The following CRB1 variants were observed in gnomAD, a reference collection of about 807,000 sequenced individuals.
CRB1 encodes the protein protein crumbs homolog 1.
Under a neutral mutation model 120.0 loss-of-function variants are expected in CRB1, and 83 were observed. The observed-to-expected ratio is 0.69, with a 90% confidence interval of 0.58 to 0.83. The LOEUF (loss-of-function observed/expected upper bound fraction) is 0.83, where lower values mean the gene tolerates loss of function less well. Among genes scored for constraint, CRB1 ranks in the 40% least tolerant of loss-of-function variants. The pLI, the probability that CRB1 is intolerant of heterozygous loss-of-function variation, is 0.00. For synonymous variants in CRB1, 625 were observed against 612.5 expected (o/e 1.02, Z -0.30); for missense variants, 1,699 against 1,687.6 (o/e 1.01, Z -0.12).
chr1:197,257,256 G>A, the CRB1 span, among the ~76,000 whole-genome samples: 18 of 152,226 alleles, frequency 1.2e-4, no homozygotes, highest in African/African-American at 4.3e-4. Context: ...CCACCTTTTT[G>A]TTCTGTTTGG....
chr1:197,327,105 A>ACAAAC lies in CRB1; in HGVS notation c.71-1317_71-1316insCAAAC, dbSNP rs1353345394. On this transcript the variant is annotated intron_variant, in intron 1 of 11. Coordinates refer to ENST00000367400, the MANE Select transcript of CRB1 (RefSeq NM_201253.3). ...TTCTCACACACCAAAAAAAAAAAAA[A>ACAAAC]AAAAAAAAAAAAAAAAAAAAAAAAA... is the stretch of plus-strand genomic sequence containing the variant. Among the ~76,000 whole-genome samples the ACAAAC allele has an allele frequency of 1.1e-4, 13 of 117,892 alleles. 1 individual carries two copies. Among genetic ancestry groups the ACAAAC allele is most frequent in the African/African-American group, 4.0e-4 (12 of 29,946 alleles). 77.3% of individuals were successfully genotyped at this position (117,892 alleles called of 152,430 possible).
At chr1:197,420,002 A>AC (rs1462990116) in intron 5 of CRB1, among the ~76,000 whole-genome samples, 41 of 150,692 alleles carry the variant, frequency 2.7e-4, no homozygotes, top group Admixed American at 7.3e-4. Context: ...AAAAAAAACA[A>AC]ACAAAAAAAA....
the CRB1 span, among the ~76,000 whole-genome samples, chr1:197,218,190 G>A: frequency 1.6e-4 from 25 of 152,128 alleles, no homozygotes; most frequent in African/African-American, 4.1e-4. Context: ...CACCTATGCC[G>A]GGCAAGGAAC....
intron 11 of CRB1, among the ~76,000 whole-genome samples, chr1:197,451,983 A>G (rs1452920093): frequency 6.6e-6 from 1 of 152,240 alleles, no homozygotes; most frequent in Non-Finnish European, 1.5e-5. Context: ...AACTGACTCC[A>G]TAATAGATGC....
At chr1:197,317,700 C>T (rs1291570294) in intron 1 of CRB1, among the ~76,000 whole-genome samples, 2 of 152,108 alleles carry the variant, frequency 1.3e-5, no homozygotes, top group South Asian at 2.1e-4. Flanking sequence ...CCTGCATCTA[C>T]GGCCCACTAA....
intron 1 of CRB1, among the ~76,000 whole-genome samples, chr1:197,313,258 A>G (rs1296897408): frequency 6.6e-6 from 1 of 152,174 alleles, no homozygotes; most frequent in Non-Finnish European, 1.5e-5. Flanking sequence ...ATCACCTGCC[A>G]CCAGGTCCTT....
chr1:197,421,920 T>C lies in CRB1; in HGVS notation c.2092T>C (p.Cys698Arg), dbSNP rs1185924666. ...INLWLSYQCD[C>R]HRPYEGPNCL... ...CTTGTGGCTGAGTTACCAGTGTGACTGCCACAGGCCCTATGAAGGCCCCAA... is the reference window on the plus strand; with the variant it reads ...CTTGTGGCTGAGTTACCAGTGTGACCGCCACAGGCCCTATGAAGGCCCCAA... Residue 698 changes from cysteine to arginine, a missense_variant, in exon 6 of 12, where the codon TGC becomes CGC. Transcript: ENST00000367400. The C allele has an allele frequency of 6.2e-6, 10 of 1,614,200 alleles. No homozygotes were observed. The highest frequency in any genetic ancestry group is 8.5e-6 in the Non-Finnish European group (10 of 1,180,034).
At chr1:197,219,787 C>T in the CRB1 span, among the ~76,000 whole-genome samples, 1 of 152,196 alleles carries the variant, frequency 6.6e-6, no homozygotes, top group African/African-American at 2.4e-5. Flanking sequence ...GTTTCCCTCT[C>T]TCTGTGCTCC....
At chr1:197,394,133 C>T (rs973934249) in intron 5 of CRB1, among the ~76,000 whole-genome samples, 1 of 151,940 alleles carries the variant, frequency 6.6e-6, no homozygotes, top group Non-Finnish European at 1.5e-5. Context: ...TTGCCTGTGC[C>T]ATGCTGGAGA....
At chr1:197,288,275 A>T (rs1410799707) in intron 1 of CRB1, among the ~76,000 whole-genome samples, 1 of 151,850 alleles carries the variant, frequency 6.6e-6, no homozygotes, top group Non-Finnish European at 1.5e-5. Context: ...GAGGGCCAAG[A>T]ATTGTACCTG....
chr1:197,304,323 T>A (rs2125259289), intron 1 of CRB1: 1 of 736,300 alleles, frequency 1.4e-6, no homozygotes, highest in Non-Finnish European at 1.7e-6. Context: ...CATTTTAAAA[T>A]ATATTGATTT....
At chr1:197,290,057 C>T (rs920701964) in intron 1 of CRB1, among the ~76,000 whole-genome samples, 1 of 151,610 alleles carries the variant, frequency 6.6e-6, no homozygotes, top group African/African-American at 2.4e-5. Flanking sequence ...TTTCTGCTAA[C>T]TTGTTCCTTG....
chr1:197,429,746 A>C, intron 8 of CRB1, 132 bp downstream of exon 8: 1 of 961,448 alleles, frequency 1.0e-6, no homozygotes, highest in Non-Finnish European at 1.6e-6. Context: ...CCCCTATGCG[A>C]GTAGGCTAAT....
intron 5 of CRB1, chr1:197,363,914 A>G: frequency 8.0e-7 from 1 of 1,243,364 alleles, no homozygotes. Flanking sequence ...CTCACTACGG[A>G]TGGGCTCACT....
intron 1 of CRB1, among the ~76,000 whole-genome samples, chr1:197,316,313 T>C (rs1375960622): frequency 1.3e-5 from 2 of 152,116 alleles, no homozygotes; most frequent in Non-Finnish European, 2.9e-5. Flanking sequence ...GCCTCCTAAG[T>C]AGCTGGGACT....
chr1:197,306,307 T>G (rs1041237358), intron 1 of CRB1, among the ~76,000 whole-genome samples: 1 of 152,072 alleles, frequency 6.6e-6, no homozygotes, highest in Non-Finnish European at 1.5e-5. Flanking sequence ...AGAAAAGTCG[T>G]GAAAACAGTC....
intron 11 of CRB1, among the ~76,000 whole-genome samples, chr1:197,445,213 T>C (rs969730122): frequency 6.6e-6 from 1 of 152,194 alleles, no homozygotes; most frequent in Non-Finnish European, 1.5e-5. Flanking sequence ...TTCTAAAACA[T>C]AGCCTATATT....
At chr1:197,449,537 T>G (rs1358299679) in intron 11 of CRB1, among the ~76,000 whole-genome samples, 1 of 151,938 alleles carries the variant, frequency 6.6e-6, no homozygotes, top group Non-Finnish European at 1.5e-5. Flanking sequence ...CGGCTAATTT[T>G]TTGTATTTTT....
chr1:197,239,075 ATATCAAGCTC>A, the CRB1 span, among the ~76,000 whole-genome samples: 1 of 152,126 alleles, frequency 6.6e-6, no homozygotes, highest in Non-Finnish European at 1.5e-5. Context: ...AGCTCCAGGG[ATATCAAGCTC>A]TATATAATTT....
Sources: allele counts gnomAD v4.1 joint callset (sites outside exome capture counted in the v4.1 genomes callset), GRCh38; gene constraint gnomAD v4.1.1; transcripts MANE v1.5; gene names NCBI Gene and HGNC (gene_info 2026-07-23, HGNC 2026-07-21).